Variants in CHD2 observed in about 807,000 individuals in gnomAD.
CHD2 encodes chromodomain helicase DNA binding protein 2.
In CHD2, 28 loss-of-function variants were observed where a neutral mutation model predicts 243.9. That is an observed-to-expected ratio of 0.11 (90% CI 0.09 to 0.16). CHD2 has a LOEUF of 0.16. CHD2 is among the 10% of genes least tolerant of loss of function. The pLI, the probability that CHD2 is intolerant of heterozygous loss-of-function variation, is 1.00. For missense variants in CHD2, 1,386 were observed against 2,209.8 expected (o/e 0.63, Z 7.47); for synonymous variants, 775 against 779.0 (o/e 0.99, Z 0.09).
chr15:93,014,640 C>T (rs2054435271), intron 36 of CHD2, 56 bp from the exon 37 acceptor site: 1 of 1,514,850 alleles, frequency 6.6e-7, no homozygotes, highest in Non-Finnish European at 9.1e-7. Flanking sequence ...CTTTATTCTT[C>T]TCTGGGGAAT....
rs1164978823 is a variant in CHD2 at position 92,940,903 on chromosome 15, A to AAT, written c.693-909_693-908dup. On this transcript the variant is annotated intron_variant, in intron 7 of 38. Transcript: ENST00000394196. ...ATAAATATATATAAAAATATATATA[A>AAT]ATATATATATAAATATACATATAAA... Among the ~76,000 whole-genome samples, 322 of 94,654 alleles carry AAT rather than the reference A, an allele frequency of 3.4e-3. 3 individuals are homozygous for AAT. The highest frequency in any genetic ancestry group is 0.016 in the East Asian group (27 of 1,698). 62.1% of individuals were successfully genotyped at this position (94,654 alleles called of 152,430 possible). A position where few individuals can be genotyped will look rare whatever the true frequency, so the allele number is the denominator to read the frequency against.
At chr15:92,905,236 G>A (rs1031534706) in intron 2 of CHD2, among the ~76,000 whole-genome samples, 1 of 151,962 alleles carries the variant, frequency 6.6e-6, no homozygotes, top group African/African-American at 2.4e-5. Flanking sequence ...CCAAATCTTC[G>A]CAATTATCTT....
chr15:92,926,992 T>TAG (rs2141751958), intron 3 of CHD2, among the ~76,000 whole-genome samples: 1 of 152,346 alleles, frequency 6.6e-6, no homozygotes, highest in Admixed American at 6.5e-5. Context: ...CAGCTGTATA[T>TAG]TTTAATGATG....
intron 5 of CHD2, 57 bp from the exon 6 acceptor site, chr15:92,937,461 A>AT: frequency 7.6e-7 from 1 of 1,310,490 alleles, no homozygotes; most frequent in Non-Finnish European, 1.1e-6. Flanking sequence ...TTGTCGGATT[A>AT]TTTATCTTGA....
rs564478851 is a variant in CHD2, at chr15:93,026,268, G to T, written c.*1563G>T. 1 of 152,792 alleles carries T rather than the reference G, an allele frequency of 6.5e-6. No individual in the cohort carries two copies. Among genetic ancestry groups the T allele is most frequent in the East Asian group, 1.9e-4 (1 of 5,184 alleles). The allele number at this position is 152,792 out of a possible 1,614,324, so 9.5% of individuals were successfully genotyped here. A position where few individuals can be genotyped will look rare whatever the true frequency, so the allele number is the denominator to read the frequency against. On this transcript the variant is annotated 3_prime_UTR_variant, in exon 39 of 39. Transcript: ENST00000394196. Reference sequence around the variant, plus strand: ...GCTGGTGAAAACCCTTCTGTTGGGCGTGTGCAGGGTTAAACTCCTGAAGTA... The same window carrying T: ...GCTGGTGAAAACCCTTCTGTTGGGCTTGTGCAGGGTTAAACTCCTGAAGTA...
chr15:92,910,812 T>G (rs2052719071), intron 2 of CHD2, among the ~76,000 whole-genome samples: 1 of 152,244 alleles, frequency 6.6e-6, no homozygotes, highest in African/African-American at 2.4e-5. Flanking sequence ...CATGTGTTGC[T>G]TAGCAATGGA....
rs186293640 is a variant in CHD2, at chr15:92,967,304, A to T, written c.2001-21A>T. The T allele has an allele frequency of 2.9e-5, 45 of 1,566,092 alleles. No homozygotes were observed. The East Asian group carries it at 9.6e-4, about 33-fold the overall frequency. On this transcript the variant is annotated intron_variant, in intron 16 of 38. Transcript: ENST00000394196. ...CTTTTCCTCAATGTGGCTAAATAAC[A>T]CTATACTGTTTCTTCCCTAGGTTTG...
chr15:92,951,990 T>G (rs1416935231), intron 13 of CHD2, among the ~76,000 whole-genome samples: 2 of 152,216 alleles, frequency 1.3e-5, no homozygotes, highest in African/African-American at 4.8e-5. Flanking sequence ...TTCTTTCTGA[T>G]TTGCTGATTA....
chr15:92,986,646 T>C (rs1190561834), intron 26 of CHD2, among the ~76,000 whole-genome samples: 1 of 152,208 alleles, frequency 6.6e-6, no homozygotes, highest in African/African-American at 2.4e-5. Context: ...TGTTTTCTGC[T>C]ATGGGGCAGT....
At chr15:92,965,694 A>C (rs1040493538) in intron 16 of CHD2, among the ~76,000 whole-genome samples, 6 of 152,056 alleles carry the variant, frequency 3.9e-5, no homozygotes, top group Non-Finnish European at 8.8e-5. Context: ...AGCCATAGAG[A>C]ATTCATAAAC....
chr15:92,923,453 G>A (rs1464508268), intron 2 of CHD2, among the ~76,000 whole-genome samples: 1 of 151,698 alleles, frequency 6.6e-6, no homozygotes, highest in Non-Finnish European at 1.5e-5. Context: ...GAAGAGATGG[G>A]TTTTGCATAT....
chr15:92,964,063 C>G (rs1284662322), intron 16 of CHD2, among the ~76,000 whole-genome samples: 1 of 152,208 alleles, frequency 6.6e-6, no homozygotes, highest in Admixed American at 6.5e-5. Flanking sequence ...TCAGCATGGG[C>G]TATGTTTGGA....
intron 20 of CHD2, among the ~76,000 whole-genome samples, chr15:92,977,327 A>T (rs1438162273): frequency 6.6e-6 from 1 of 152,200 alleles, no homozygotes; most frequent in Non-Finnish European, 1.5e-5. Flanking sequence ...ATGTTGTTGA[A>T]TGTGACTATT....
intron 2 of CHD2, chr15:92,901,991 CTT>C (rs1003299132): frequency 1.5e-4 from 56 of 385,020 alleles, no homozygotes; most frequent in African/African-American, 1.0e-3. Flanking sequence ...CTGGAATACT[CTT>C]AATATATACT....
rs16974312 is a variant in CHD2 at position 92,972,002 on chromosome 15, A to C, written c.2352+75A>C. ...TAGGTGCTTTTCATCAGAATGCTCT[A>C]TTTCCTTGTTGGTGACCTATCAAGG... On this transcript the variant is annotated intron_variant, in intron 18 of 38. Coordinates refer to ENST00000394196, the MANE Select transcript of CHD2 (RefSeq NM_001271.4). The C allele has an allele frequency of 9.8e-4, 1,425 of 1,456,478 alleles. 15 individuals carry two copies. The African/African-American group carries it at 0.018, about 19-fold the overall frequency. The allele number at this position is 1,456,478 out of a possible 1,614,324, so 90.2% of individuals were successfully genotyped here. A position where few individuals can be genotyped will look rare whatever the true frequency, so the allele number is the denominator to read the frequency against.
intron 28 of CHD2, among the ~76,000 whole-genome samples, chr15:92,994,736 AGCATG>A (rs2054165759): frequency 6.6e-6 from 1 of 152,256 alleles, no homozygotes; most frequent in Non-Finnish European, 1.5e-5. Flanking sequence ...ATGGTAGTAC[AGCATG>A]CACACTTTTC....
chr15:92,974,975 T>G (rs1214614934), intron 20 of CHD2, 25 bp downstream of exon 20: 1 of 1,592,778 alleles, frequency 6.3e-7, no homozygotes, highest in South Asian at 1.1e-5. Flanking sequence ...GCTTTGTTAT[T>G]TGAGCAACTT....
intron 7 of CHD2, 101 bp from the exon 8 acceptor site, chr15:92,941,721 G>T: frequency 8.1e-7 from 1 of 1,235,294 alleles, no homozygotes; most frequent in South Asian, 1.4e-5. Flanking sequence ...CATGCTTTTG[G>T]AACCAAAAGG....
At chr15:92,927,379 T>C (rs1470275776) in intron 4 of CHD2, 49 bp downstream of exon 4, 1 of 1,334,340 alleles carries the variant, frequency 7.5e-7, no homozygotes, top group Non-Finnish European at 1.1e-6. Context: ...CCTATCTTAC[T>C]TCATTCTTTC....
Sources: allele counts gnomAD v4.1 joint callset (sites outside exome capture counted in the v4.1 genomes callset), GRCh38; gene constraint gnomAD v4.1.1; transcripts MANE v1.5; gene names NCBI Gene and HGNC (gene_info 2026-07-23, HGNC 2026-07-21).